CASP10: variants seen among roughly 807,000 people sequenced by gnomAD.
The protein encoded by CASP10 is caspase 10, also known as caspase-10.
A neutral mutation model predicts 48.5 loss-of-function variants in CASP10; 41 were observed. The ratio of observed to expected loss-of-function variants is 0.85; its 90% CI spans 0.66 to 1.10. The LOEUF is 1.10. CASP10 is among the 50% of genes least tolerant of loss of function. The pLI, the probability that CASP10 is intolerant of heterozygous loss-of-function variation, is 0.00. For missense variants in CASP10, 614 were observed against 614.5 expected, an observed-to-expected ratio of 1.00 and a Z score of 0.01; for synonymous variants, 232 against 238.4, an observed-to-expected ratio of 0.97 and a Z score of 0.25.
chr2:201,190,274 G>A (rs887311413), intron 3 of CASP10, among the ~76,000 whole-genome samples: 9 of 151,622 alleles, frequency 5.9e-5, no homozygotes, highest in Non-Finnish European at 8.8e-5. Context: ...CACACACTAC[G>A]TATATACACA....
Position 201,217,799 on chromosome 2 carries a change from C to T in CASP10, c.*58C>T. 1.2e-6 allele frequency: 2 copies of T among 1,613,238 alleles called. No homozygotes were observed. ...CGAATCATTGGCTATAACCTCCAGC[C>T]TCCTGCCCAGCACAGGAATCGGTGG... On this transcript the variant is annotated 3_prime_UTR_variant, in exon 10 of 10. Coordinates refer to ENST00000286186, the MANE Select transcript of CASP10 (RefSeq NM_032977.4).
Position 201,187,774 on chromosome 2 carries a change from A to C in CASP10, c.416A>C (p.Lys139Thr), listed in dbSNP as rs776589858. 3.7e-6 allele frequency: 6 copies of C among 1,613,980 alleles called. No individual in the cohort carries two copies. Among genetic ancestry groups the C allele is most frequent in the South Asian group, 3.3e-5 (3 of 91,090 alleles). The change falls in exon 3 of 10, where the codon AAA (lysine) becomes ACA (threonine). Residue 139 changes from lysine (K) to threonine (T), a missense_variant. Physicochemically the swap from Lys to Thr is moderately conservative, Grantham distance 78. Transcript: ENST00000286186. ...TTAAAGGACATGATCTTCCTTCTGAAAGACTCGCTTCCCAAAACTGAAATG... is the reference window on the plus strand; with the variant it reads ...TTAAAGGACATGATCTTCCTTCTGACAGACTCGCTTCCCAAAACTGAAATG... ...ENLKDMIFLL[K>T]DSLPKTEMTS... is the part of the protein sequence containing the mutation.
chr2:201,213,421 G>A (rs1465513121), intron 9 of CASP10: 1 of 152,120 alleles, frequency 6.6e-6, no homozygotes, highest in Admixed American at 6.6e-5. Flanking sequence ...GTTCCTTGTT[G>A]TGTTGTGACA....
chr2:201,218,289 A>T lies in CASP10; in HGVS notation c.*548A>T. The T allele has an allele frequency of 1.0e-6, 1 of 999,120 alleles. No individual in the cohort carries two copies. The highest frequency in any genetic ancestry group is 1.2e-6 in the Non-Finnish European group (1 of 838,530). The allele number at this position is 999,120 out of a possible 1,614,324, so 61.9% of individuals were successfully genotyped here. Reference sequence around the variant, plus strand: ...TGGATGTCTATTCTGAAGACAGAGTAATTGGCTTTGGTTTGTGCAGGTACT... The same window carrying T: ...TGGATGTCTATTCTGAAGACAGAGTTATTGGCTTTGGTTTGTGCAGGTACT... On this transcript the variant is annotated 3_prime_UTR_variant, in exon 10 of 10. Transcript: ENST00000286186.
At position 201,217,593 on chromosome 2, in the gene CASP10, A is replaced by G. The variant is rs1945612089; in HGVS notation, c.1421A>G (p.Glu474Gly). Residue 474 changes from glutamate to glycine, a missense_variant, in exon 10 of 10, where the codon GAA (glutamate) becomes GGA (glycine). By Grantham distance (98) the Glu-to-Gly change is moderately conservative. Transcript: ENST00000286186. ...NHLKKLVPRH[E>G]DILSILTAVN... ...TGTTTTCTTCTTTGTTGCAGACATG[A>G]AGACATCTTATCCATCCTCACTGCT... 1 of 1,613,188 alleles carries G rather than the reference A, an allele frequency of 6.2e-7. No individual in the cohort carries two copies. Among genetic ancestry groups the G allele is most frequent in the Non-Finnish European group, 8.5e-7 (1 of 1,179,208 alleles).
At chr2:201,211,516 T>A (rs1236273772) in intron 9 of CASP10, among the ~76,000 whole-genome samples, 1 of 152,236 alleles carries the variant, frequency 6.6e-6, no homozygotes, top group Non-Finnish European at 1.5e-5. Context: ...CTTATTTCAC[T>A]CTGGGCTCAT....
intron 3 of CASP10, among the ~76,000 whole-genome samples, chr2:201,188,589 G>A (rs1253303552): frequency 5.3e-5 from 8 of 152,122 alleles, no homozygotes; most frequent in Admixed American, 5.2e-4. Flanking sequence ...ATCTCTGGGC[G>A]GTTGGCCTGT....
At chr2:201,202,483 GC>G (rs1452209955) in intron 5 of CASP10, among the ~76,000 whole-genome samples, 1 of 152,212 alleles carries the variant, frequency 6.6e-6, no homozygotes, top group Non-Finnish European at 1.5e-5. Context: ...GAAAGCCAGG[GC>G]CTGGAGGGGC....
At chr2:201,191,889 C>CA (rs1391892766) in intron 3 of CASP10, among the ~76,000 whole-genome samples, 1 of 152,012 alleles carries the variant, frequency 6.6e-6, no homozygotes, top group Non-Finnish European at 1.5e-5. Context: ...TACTCTTTAA[C>CA]AAAAAAGCAA....
chr2:201,209,722 T>G (rs1264533741), intron 9 of CASP10, among the ~76,000 whole-genome samples, 160 bp downstream of exon 9: 4 of 152,162 alleles, frequency 2.6e-5, no homozygotes, highest in Admixed American at 1.3e-4. Context: ...TATTTATCCA[T>G]CTATCCACCC....
chr2:201,189,291 C>T (rs1443740947), intron 3 of CASP10, among the ~76,000 whole-genome samples: 6 of 142,034 alleles, frequency 4.2e-5, no homozygotes, highest in African/African-American at 1.3e-4. Context: ...TTTTTTGAGA[C>T]GGTGTCTCAC....
downstream of CASP10, among the ~76,000 whole-genome samples, chr2:201,225,757 A>G (rs1945780048): frequency 6.6e-6 from 1 of 152,200 alleles, no homozygotes; most frequent in African/African-American, 2.4e-5. Context: ...GGATCACCTG[A>G]GGTCAGGAGT....
rs985209870 is a variant in CASP10 at position 201,219,101 on chromosome 2, C to A, written c.*1360C>A. 18 of 542,528 alleles carry A rather than the reference C, an allele frequency of 3.3e-5. No individual in the cohort carries two copies. Among genetic ancestry groups the A allele is most frequent in the Non-Finnish European group, 4.2e-5 (18 of 425,530 alleles). 33.6% of individuals were successfully genotyped at this position (542,528 alleles called of 1,614,324 possible). Reference sequence around the variant, plus strand: ...CCTGGCCAATACGGCAAAACCTCATCATTACTAAAAACACAAAAATTAGCC... The same window carrying A: ...CCTGGCCAATACGGCAAAACCTCATAATTACTAAAAACACAAAAATTAGCC... On this transcript the variant is annotated 3_prime_UTR_variant, in exon 10 of 10. Transcript: ENST00000286186.
intron 9 of CASP10, among the ~76,000 whole-genome samples, chr2:201,215,764 A>G (rs1394938716): frequency 6.6e-6 from 1 of 152,000 alleles, no homozygotes; most frequent in African/African-American, 2.4e-5. Context: ...TATACATTTT[A>G]GGGTTTTTTT....
At position 201,205,869 on chromosome 2, in the gene CASP10, C is replaced by T; in HGVS notation, c.722-13C>T. Reference sequence around the variant, plus strand: ...GGGGAAGATATTTGGAGTCTGAGTACCTCTCTTTCTAGGTAACAGAGCCAC... The same window carrying T: ...GGGGAAGATATTTGGAGTCTGAGTATCTCTCTTTCTAGGTAACAGAGCCAC... On this transcript the variant is annotated splice_polypyrimidine_tract_variant and intron_variant, in intron 6 of 9. Transcript: ENST00000286186. 14 of 1,506,542 alleles carry T rather than the reference C, an allele frequency of 9.3e-6. No homozygotes were observed. Among genetic ancestry groups the T allele is most frequent in the Non-Finnish European group, 1.3e-5 (14 of 1,081,972 alleles). 93.3% of individuals were successfully genotyped at this position (1,506,542 alleles called of 1,614,324 possible). A position where few individuals can be genotyped will look rare whatever the true frequency, so the allele number is the denominator to read the frequency against.
At chr2:201,195,989 T>A (rs1944781818) in intron 5 of CASP10, 41 bp downstream of exon 5, 2 of 1,376,494 alleles carry the variant, frequency 1.5e-6, no homozygotes, top group Non-Finnish European at 2.1e-6. Context: ...AACAACCGGC[T>A]CCACCCTCCA....
Position 201,195,947 on chromosome 2 carries a change from C to A in CASP10, c.683C>A (p.Pro228Gln). ...TDVKTFLEAL[P>Q]QESWQNKHAG... ...GTTAAGACATTCTTGGAAGCCTTACCGGTAGGTTCAGTGGTGTGCTGGTCA... is the reference window on the plus strand; with the variant it reads ...GTTAAGACATTCTTGGAAGCCTTACAGGTAGGTTCAGTGGTGTGCTGGTCA... Residue 228 changes from proline (P) to glutamine (Q), a missense_variant and splice_region_variant, in exon 5 of 10, where the codon CCG becomes CAG. Physicochemically the swap from Pro to Gln is moderately conservative, Grantham distance 76. Coordinates refer to ENST00000286186, the MANE Select transcript of CASP10 (RefSeq NM_032977.4). 1 of 1,606,650 alleles carries A rather than the reference C, an allele frequency of 6.2e-7. No individual in the cohort carries two copies. The highest frequency in any genetic ancestry group is 1.1e-5 in the South Asian group (1 of 90,940).
Position 201,219,445 on chromosome 2 carries a change from C to T in CASP10, c.*1704C>T. ...CAGGACTCAATCTACAGGCCAGCAC[C>T]TTTCTCTTGGCCGGATGTCCTCAGG... On this transcript the variant is annotated 3_prime_UTR_variant, in exon 10 of 10. Transcript: ENST00000286186. 1 of 985,462 alleles carries T rather than the reference C, an allele frequency of 1.0e-6. No individual in the cohort carries two copies. 61.0% of individuals were successfully genotyped at this position (985,462 alleles called of 1,614,324 possible). A position where few individuals can be genotyped will look rare whatever the true frequency, so the allele number is the denominator to read the frequency against.
chr2:201,223,539 C>T (rs550115517), downstream of CASP10, among the ~76,000 whole-genome samples: 14 of 152,348 alleles, frequency 9.2e-5, no homozygotes, highest in African/African-American at 3.4e-4. Flanking sequence ...TTTAAGTGTT[C>T]TCTTCTCTGT....
Sources: allele counts gnomAD v4.1 joint callset (sites outside exome capture counted in the v4.1 genomes callset), GRCh38; gene constraint gnomAD v4.1.1; transcripts MANE v1.5; gene names NCBI Gene and HGNC (gene_info 2026-07-23, HGNC 2026-07-21).